Variants in FMNL2 observed in about 807,000 individuals in gnomAD.
FMNL2 encodes formin like 2, also known as formin-like protein 2.
In FMNL2, 51 loss-of-function variants were observed where a neutral mutation model predicts 130.2. The observed-to-expected ratio is 0.39, with a 90% CI of 0.31 to 0.49. FMNL2 has a LOEUF of 0.49. FMNL2 is among the 20% of genes least tolerant of loss of function. The probability of loss-of-function intolerance (pLI) is 0.85; values close to 1 mark genes in which losing one functional copy is unlikely to be tolerated. For missense variants in FMNL2, 977 were observed against 1,316.2 expected, an observed-to-expected ratio of 0.74 and a Z score of 3.99; for synonymous variants, 465 against 467.1, an observed-to-expected ratio of 1.00 and a Z score of 0.06.
chr2:152,349,278 T>A (rs1481351415), intron 1 of FMNL2, among the ~76,000 whole-genome samples: 2 of 152,226 alleles, frequency 1.3e-5, no homozygotes, highest in African/African-American at 2.4e-5. Flanking sequence ...AAACTAATGA[T>A]GTTTATGAAT....
intron 1 of FMNL2, among the ~76,000 whole-genome samples, chr2:152,473,868 C>T (rs549165745): frequency 3.3e-5 from 5 of 152,140 alleles, no homozygotes; most frequent in African/African-American, 7.2e-5. Context: ...TTTGTTTAAT[C>T]GTAAGTCAAA....
rs1038069571 is a variant in FMNL2 at position 152,605,320 on chromosome 2, G to A, written c.877-2019G>A. The stretch of plus-strand genomic sequence containing the variant: ...TCTGTGCGTGTGCGTGTGTGTGTGC[G>A]TGTGTGTGTGTGTATTTTTGAGACA... On this transcript the variant is annotated intron_variant, in intron 9 of 25. Transcript: ENST00000288670. 7.7e-4 allele frequency among the ~76,000 whole-genome samples: 91 copies of A among 118,536 alleles called. 1 individual carries two copies. Among genetic ancestry groups the A allele is most frequent in the Admixed American group, 6.1e-3 (81 of 13,368 alleles). The allele number at this position is 118,536 out of a possible 152,430, so 77.8% of individuals were successfully genotyped here.
At chr2:152,350,909 G>A (rs1682442770) in intron 1 of FMNL2, among the ~76,000 whole-genome samples, 1 of 152,082 alleles carries the variant, frequency 6.6e-6, no homozygotes, top group South Asian at 2.1e-4. Flanking sequence ...GCCGGGTATG[G>A]TGGCGCGCAC....
chr2:152,551,664 T>C (rs114479961), intron 4 of FMNL2, among the ~76,000 whole-genome samples: 1 of 152,244 alleles, frequency 6.6e-6, no homozygotes, highest in Non-Finnish European at 1.5e-5. Flanking sequence ...ATTCTTGGAA[T>C]GCAAGGTGCT....
At chr2:152,395,586 T>A (rs185193833) in intron 1 of FMNL2, among the ~76,000 whole-genome samples, 293 of 152,350 alleles carry the variant, frequency 1.9e-3, no homozygotes, top group African/African-American at 6.9e-3. Flanking sequence ...TATGTTTTTA[T>A]TTAACTAGAC....
intron 1 of FMNL2, among the ~76,000 whole-genome samples, chr2:152,336,361 G>A (rs1376200222): frequency 6.6e-6 from 1 of 152,160 alleles, no homozygotes; most frequent in African/African-American, 2.4e-5. Context: ...AACCCAGGCC[G>A]GGGAGAACCT....
intron 1 of FMNL2, among the ~76,000 whole-genome samples, chr2:152,365,172 G>C (rs544974405): frequency 4.4e-4 from 67 of 152,288 alleles, no homozygotes; most frequent in African/African-American, 1.5e-3. Flanking sequence ...ATGCTCTTTG[G>C]AGGCAGAGAT....
At chr2:152,554,968 G>A (rs1695127048) in intron 4 of FMNL2, among the ~76,000 whole-genome samples, 1 of 152,170 alleles carries the variant, frequency 6.6e-6, no homozygotes, top group South Asian at 2.1e-4. Flanking sequence ...AAAAAGATGT[G>A]TACTAAATGA....
intron 5 of FMNL2, among the ~76,000 whole-genome samples, chr2:152,560,125 AG>A (rs1356141641): frequency 6.6e-6 from 1 of 150,962 alleles, no homozygotes; most frequent in Admixed American, 6.6e-5. Context: ...CTGTCTGATC[AG>A]GTGTTGCTAT....
Position 152,649,110 on chromosome 2 carries a change from G to T in FMNL2, c.*1205G>T, listed in dbSNP as rs927223628. 2.6e-5 allele frequency: 4 copies of T among 152,484 alleles called. No individual in the cohort carries two copies. Among genetic ancestry groups the T allele is most frequent in the Non-Finnish European group, 5.9e-5 (4 of 68,008 alleles). 9.4% of individuals were successfully genotyped at this position (152,484 alleles called of 1,614,324 possible). ...TTCTTGGTACATCAATATATTAATT[G>T]TAAAGTTTATTGTATAGTATTTAAC... On this transcript the variant is annotated 3_prime_UTR_variant, in exon 26 of 26. Coordinates refer to ENST00000288670, the MANE Select transcript of FMNL2 (RefSeq NM_052905.4).
At chr2:152,475,060 A>G (rs1455032005) in intron 1 of FMNL2, among the ~76,000 whole-genome samples, 1 of 152,252 alleles carries the variant, frequency 6.6e-6, no homozygotes, top group Non-Finnish European at 1.5e-5. Context: ...GCTTATCTAT[A>G]AAGGAGGAAA....
intron 1 of FMNL2, among the ~76,000 whole-genome samples, chr2:152,455,277 G>C (rs1388285678): frequency 6.6e-6 from 1 of 152,162 alleles, no homozygotes; most frequent in East Asian, 1.9e-4. Flanking sequence ...TACTTAAAAG[G>C]CAAGAGGATC....
chr2:152,545,455 C>G (rs1417456418), intron 3 of FMNL2, among the ~76,000 whole-genome samples: 1 of 152,010 alleles, frequency 6.6e-6, no homozygotes. Flanking sequence ...TTTAGATTTT[C>G]TTCTAAATAG....
At chr2:152,599,787 T>G (rs1260084994) in intron 9 of FMNL2, among the ~76,000 whole-genome samples, 2 of 152,220 alleles carry the variant, frequency 1.3e-5, no homozygotes, top group Non-Finnish European at 2.9e-5. Context: ...TGCTTAGCTT[T>G]CATTAGTTTT....
chr2:152,643,627 C>T (rs1683291401), intron 25 of FMNL2: 1 of 1,493,904 alleles, frequency 6.7e-7, no homozygotes, highest in African/African-American at 1.4e-5. Flanking sequence ...GAATTGCCAT[C>T]TCCATCATGT....
intron 1 of FMNL2, among the ~76,000 whole-genome samples, chr2:152,421,938 G>T (rs1400874596): frequency 6.6e-6 from 1 of 152,144 alleles, no homozygotes; most frequent in Admixed American, 6.5e-5. Flanking sequence ...GGTATTTTAC[G>T]TTTATTATCT....
rs549863352 is a variant in FMNL2, at chr2:152,471,477, T to G, written c.118-50466T>G. Among the ~76,000 whole-genome samples, 174 of 151,494 alleles carry G rather than the reference T, an allele frequency of 1.1e-3. 1 individual carries two copies. The highest frequency in any genetic ancestry group is 1.7e-3 in the South Asian group (8 of 4,772). ...CTTTTAGTTTCCTGTACCTAGCACT[T>G]GACTGCAGGGTGCCTTAAAAAAGCA... On this transcript the variant is annotated intron_variant, in intron 1 of 25. Transcript: ENST00000288670.
chr2:152,593,776 A>G (rs1034543883), intron 9 of FMNL2, among the ~76,000 whole-genome samples: 11 of 151,256 alleles, frequency 7.3e-5, no homozygotes, highest in African/African-American at 2.7e-4. Context: ...GCCCGAGGTC[A>G]GATTCTTAGC....
chr2:152,503,165 C>T (rs377379038), intron 1 of FMNL2, among the ~76,000 whole-genome samples: 4 of 152,148 alleles, frequency 2.6e-5, no homozygotes, highest in East Asian at 3.9e-4. Flanking sequence ...GGGACCACTG[C>T]AGTGGGATTT....
Sources: allele counts gnomAD v4.1 joint callset (sites outside exome capture counted in the v4.1 genomes callset), GRCh38; gene constraint gnomAD v4.1.1; transcripts MANE v1.5; gene names NCBI Gene and HGNC (gene_info 2026-07-23, HGNC 2026-07-21).